Variants in ALK observed in about 807,000 individuals in gnomAD.
ALK encodes the protein ALK receptor tyrosine kinase, also known as ALK tyrosine kinase receptor.
A neutral mutation model predicts 163.1 loss-of-function variants in ALK; 74 were observed. The ratio of observed to expected loss-of-function variants is 0.45; its 90% CI spans 0.38 to 0.55. The LOEUF is 0.55. Ranked by LOEUF, ALK falls within the 20% of genes least tolerant of loss-of-function variation. ALK has a pLI of 0.00. For missense variants in ALK, 2,063 were observed against 2,105.3 expected (o/e 0.98, Z 0.39); for synonymous variants, 960 against 843.2 (o/e 1.14, Z -2.40).
chr2:29,407,674 A>C lies in ALK; in HGVS notation c.1155-23815T>G, dbSNP rs536317812. Among the ~76,000 whole-genome samples the C allele has an allele frequency of 5.3e-5, 8 of 152,326 alleles. No homozygotes were observed. The East Asian group carries it at 5.8e-4, about 11-fold the overall frequency. ...GTAGGTCTAGGGCTTTCCTTGGTCC[A>C]TTCAGTTCTCACATGCTGTGGATCA... On this transcript the variant is annotated intron_variant, in intron 4 of 28. Transcript: ENST00000389048.
At chr2:29,315,975 G>A (rs947772608) in intron 8 of ALK, among the ~76,000 whole-genome samples, 1 of 152,042 alleles carries the variant, frequency 6.6e-6, no homozygotes, top group African/African-American at 2.4e-5. Context: ...TTCTGCACTC[G>A]GGCCCCATAG....
At chr2:29,806,161 C>G (rs562015566) in intron 1 of ALK, among the ~76,000 whole-genome samples, 4 of 151,992 alleles carry the variant, frequency 2.6e-5, no homozygotes, top group Non-Finnish European at 5.9e-5. Flanking sequence ...TATGGAAAGG[C>G]CTGAATCCCT....
In ALK at chr2:29,791,710, T is replaced by A. The variant is rs539460042; in HGVS notation, c.668-74013A>T. Reference sequence around the variant, plus strand: ...AAGGCCTCTGGTAGACCAGATCTCTTGTTTTTCATGACGCTTTTGTAATCT... The same window carrying A: ...AAGGCCTCTGGTAGACCAGATCTCTAGTTTTTCATGACGCTTTTGTAATCT... On this transcript the variant is annotated intron_variant, in intron 1 of 28. Coordinates refer to ENST00000389048, the MANE Select transcript of ALK (RefSeq NM_004304.5). Among the ~76,000 whole-genome samples the A allele has an allele frequency of 5.3e-5, 8 of 152,268 alleles. No homozygotes were observed. The East Asian group carries it at 1.5e-3, about 29-fold the overall frequency.
intron 2 of ALK, among the ~76,000 whole-genome samples, chr2:29,705,243 A>ATG (rs1678865699): frequency 3.6e-5 from 1 of 27,592 alleles, no homozygotes; most frequent in African/African-American, 2.5e-4. Flanking sequence ...GAAAAGAAAT[A>ATG]TATATATATA....
intron 4 of ALK, among the ~76,000 whole-genome samples, chr2:29,469,423 G>A (rs1558337941): frequency 6.6e-6 from 1 of 152,116 alleles, no homozygotes; most frequent in Non-Finnish European, 1.5e-5. Context: ...TTTGATAAGG[G>A]CCCACTTGCA....
At chr2:29,436,464 A>G (rs911046821) in intron 4 of ALK, among the ~76,000 whole-genome samples, 4 of 152,128 alleles carry the variant, frequency 2.6e-5, no homozygotes, top group African/African-American at 2.4e-5. Flanking sequence ...GCATCAAATT[A>G]TTACCTCCAA....
chr2:29,742,812 C>T (rs544765344), intron 1 of ALK, among the ~76,000 whole-genome samples: 1 of 152,248 alleles, frequency 6.6e-6, no homozygotes, highest in South Asian at 2.1e-4. Flanking sequence ...CCTAGAGCAG[C>T]CCAGAGCAAG....
chr2:29,677,338 A>T (rs1010939555), intron 3 of ALK, among the ~76,000 whole-genome samples: 1 of 149,284 alleles, frequency 6.7e-6, no homozygotes, highest in African/African-American at 2.5e-5. Context: ...AAGTGATGAA[A>T]GCAAGTATTT....
intron 3 of ALK, among the ~76,000 whole-genome samples, chr2:29,565,463 G>A (rs1674151957): frequency 1.3e-5 from 2 of 152,186 alleles, no homozygotes; most frequent in South Asian, 4.1e-4. Flanking sequence ...GGGGAACAGA[G>A]GAGTGCTAGA....
chr2:29,417,049 G>C (rs1014919545), intron 4 of ALK, among the ~76,000 whole-genome samples: 1 of 141,496 alleles, frequency 7.1e-6, no homozygotes, highest in Non-Finnish European at 1.5e-5. Context: ...GTGCAGTGGC[G>C]GGATCTCAGC....
chr2:29,584,977 C>T (rs570255815), intron 3 of ALK, among the ~76,000 whole-genome samples: 156 of 152,268 alleles, frequency 1.0e-3, no homozygotes, highest in Non-Finnish European at 1.7e-3. Context: ...TGCTTTGCTT[C>T]GTGTGTGCTG....
chr2:29,882,672 G>A (rs1270762760), intron 1 of ALK, among the ~76,000 whole-genome samples: 31 of 152,222 alleles, frequency 2.0e-4, no homozygotes, highest in African/African-American at 2.2e-4. Flanking sequence ...CCAGCCTGGC[G>A]ACAGACAGGC....
chr2:29,283,979 T>G (rs1665782052), intron 9 of ALK, among the ~76,000 whole-genome samples: 1 of 152,294 alleles, frequency 6.6e-6, no homozygotes, highest in South Asian at 2.1e-4. Context: ...AGTGATGTGA[T>G]TCACGTTATT....
At chr2:29,419,117 C>T (rs1232391523) in intron 4 of ALK, among the ~76,000 whole-genome samples, 1 of 151,284 alleles carries the variant, frequency 6.6e-6, no homozygotes, top group East Asian at 1.9e-4. Flanking sequence ...TGCAGTAGTG[C>T]AAACTCAGCT....
At chr2:29,856,415 G>A (rs1666139037) in intron 1 of ALK, among the ~76,000 whole-genome samples, 1 of 152,208 alleles carries the variant, frequency 6.6e-6, no homozygotes, top group Admixed American at 6.5e-5. Context: ...CATAGTGAAA[G>A]CAGCTAATGT....
At chr2:29,251,032 C>T (rs2148197010) in intron 12 of ALK, 73 bp downstream of exon 12, 2 of 1,503,246 alleles carry the variant, frequency 1.3e-6, no homozygotes, top group East Asian at 2.4e-5. Context: ...CAGGAACATG[C>T]ACCCATAGGC....
At position 29,920,553 on chromosome 2, in the gene ALK, G is replaced by A. The variant is rs773691688; in HGVS notation, c.107C>T (p.Pro36Leu). ...GQRAGSPAAG[P>L]PLQPREPLSY... ...GAGTGGCTCCCGGGGCTGCAGCGGC[G>A]GCCCCGCAGCTGGGGAGCCCGCGCG... Residue 36 changes from proline (P) to leucine (L), a missense_variant, in exon 1 of 29, where the codon CCG becomes CTG. Coordinates refer to ENST00000389048, the MANE Select transcript of ALK (RefSeq NM_004304.5). The A allele has an allele frequency of 3.7e-6, 6 of 1,603,824 alleles. No individual in the cohort carries two copies. Among genetic ancestry groups the A allele is most frequent in the Admixed American group, 1.7e-5 (1 of 59,596 alleles).
intron 1 of ALK, among the ~76,000 whole-genome samples, chr2:29,855,692 G>A (rs1003339888): frequency 6.6e-6 from 1 of 152,198 alleles, no homozygotes; most frequent in Non-Finnish European, 1.5e-5. Context: ...CGGTTCTTGT[G>A]TTAGAGCCAC....
intron 3 of ALK, among the ~76,000 whole-genome samples, chr2:29,565,943 C>T (rs1674173007): frequency 6.6e-6 from 1 of 152,186 alleles, no homozygotes; most frequent in Admixed American, 6.5e-5. Context: ...GCTATTAGCA[C>T]TCAGAGCTTT....
Sources: gnomAD v4.1 joint callset for allele counts (sites outside exome capture counted in the v4.1 genomes callset) on GRCh38, gnomAD v4.1.1 for gene constraint, MANE v1.5 for transcripts, NCBI Gene and HGNC (gene_info 2026-07-23, HGNC 2026-07-21) for gene names.